TOP3A: variants seen among roughly 807,000 people sequenced by gnomAD.
TOP3A encodes the protein DNA topoisomerase III alpha, also known as DNA topoisomerase 3-alpha.
TOP3A carries 64 observed loss-of-function variants against 111.3 expected under a neutral mutation model. The ratio of observed to expected loss-of-function variants is 0.57; its 90% CI spans 0.47 to 0.71. TOP3A has a LOEUF of 0.71. Ranked by LOEUF, TOP3A falls within the 30% of genes least tolerant of loss-of-function variation. TOP3A has a pLI of 0.00. For missense variants in TOP3A, 1,104 were observed against 1,285.0 expected (o/e 0.86, Z 2.15); for synonymous variants, 484 against 485.1 (o/e 1.00, Z 0.03).
rs1567733890 is a variant in TOP3A at position 18,278,160 on chromosome 17, G to C, written c.2342C>G (p.Pro781Arg). The C allele has an allele frequency of 3.7e-6, 6 of 1,614,156 alleles. No individual in the cohort carries two copies. The highest frequency in any genetic ancestry group is 1.7e-5 in the Admixed American group (1 of 60,024). The change falls in exon 18 of 19, where the codon CCC (proline) becomes CGC (arginine). Residue 781 changes from proline (P) to arginine (R), a missense_variant. Coordinates refer to ENST00000321105, the MANE Select transcript of TOP3A (RefSeq NM_004618.5). Reference sequence around the variant, plus strand: ...AGTCTGTCTGCTGTCAGCAGGCTGGGGGTGCTGGCTGTTGTCCATCCTGTT... The same window carrying C: ...AGTCTGTCTGCTGTCAGCAGGCTGGCGGTGCTGGCTGTTGTCCATCCTGTT... The part of the protein sequence containing the change: ...SLNRMDNSQH[P>R]QPADSRQTGS...
Position 18,278,299 on chromosome 17 carries a change from A to G in TOP3A, c.2203T>C (p.Cys735Arg), listed in dbSNP as rs764252816. The change falls in exon 18 of 19, where the codon TGC becomes CGC. Residue 735 changes from cysteine to arginine, a missense_variant. Cys to Arg is a radical substitution (Grantham distance 180, BLOSUM62 -3). Transcript: ENST00000321105. Reference protein sequence around the residue: ...LPPTMPLEFVCCIGGCDDTLR... With the variant: ...LPPTMPLEFVRCIGGCDDTLR... ...GTGTCGTCGCATCCGCCGATGCAGC[A>G]AACAAACTCCAGAGGCATGGTCGGG... The G allele has an allele frequency of 2.6e-6, 4 of 1,524,074 alleles. No homozygotes were observed. The highest frequency in any genetic ancestry group is 3.5e-6 in the Non-Finnish European group (4 of 1,136,016). 94.4% of individuals were successfully genotyped at this position (1,524,074 alleles called of 1,614,324 possible).
At chr17:18,285,377 C>G (rs1179759889) in intron 14 of TOP3A, 30 bp downstream of exon 14, 12 of 1,613,506 alleles carry the variant, frequency 7.4e-6, no homozygotes, top group African/African-American at 1.3e-5. Context: ...ACACCACCCA[C>G]TACCCACTGC....
intron 6 of TOP3A, 67 bp downstream of exon 6, chr17:18,302,513 G>C (rs1981298172): frequency 3.1e-6 from 5 of 1,597,540 alleles, no homozygotes; most frequent in Non-Finnish European, 4.3e-6. Context: ...TATCGACACA[G>C]AGCCCATTTT....
intron 13 of TOP3A, among the ~76,000 whole-genome samples, chr17:18,285,886 A>G (rs1013956698): frequency 5.3e-5 from 8 of 152,208 alleles, no homozygotes; most frequent in Non-Finnish European, 1.0e-4. Context: ...TAGCTCTGCC[A>G]TGAAGGAAAT....
At chr17:18,301,766 C>A in intron 8 of TOP3A, 119 bp downstream of exon 8, 1 of 787,710 alleles carries the variant, frequency 1.3e-6, no homozygotes, top group Non-Finnish European at 2.0e-6. Context: ...AAAGTGATCC[C>A]CTGAGATGCA....
chr17:18,281,281 G>A (rs550391252), intron 16 of TOP3A, among the ~76,000 whole-genome samples: 5 of 152,084 alleles, frequency 3.3e-5, no homozygotes, highest in African/African-American at 9.6e-5. Flanking sequence ...AAAAAGCCCC[G>A]AACTCCAATC....
chr17:18,307,414 C>G (rs142274787), intron 3 of TOP3A: 2 of 153,238 alleles, frequency 1.3e-5, no homozygotes, highest in Non-Finnish European at 2.9e-5. Flanking sequence ...CTGGCTAACA[C>G]GGTGAAACCC....
At position 18,299,568 on chromosome 17, in the gene TOP3A, C is replaced by T. The variant is rs1981093685; in HGVS notation, c.981G>A (p.Leu327=). The stretch of plus-strand genomic sequence containing the variant: ...CCTGTCTGGAACATACCACAGTGTC[C>T]AAGGCTTGAGGCCGCCACTTGCTCT... ...KPKSKWRPQA[L]DTVELEKLAS... The change falls in exon 9 of 19, where the codon TTG becomes TTA. Residue 327 remains leucine, a synonymous_variant. Coordinates refer to ENST00000321105, the MANE Select transcript of TOP3A (RefSeq NM_004618.5). 6.2e-7 allele frequency: 1 copy of T among 1,613,904 alleles called. No individual in the cohort carries two copies. Among genetic ancestry groups the T allele is most frequent in the Admixed American group, 1.7e-5 (1 of 60,002 alleles).
At chr17:18,308,670 C>CA (rs1555572478) in intron 2 of TOP3A, 2 of 408,104 alleles carry the variant, frequency 4.9e-6, no homozygotes, top group Admixed American at 4.3e-5. Flanking sequence ...TGTATATTAG[C>CA]TTTTTTTTTT....
chr17:18,306,037 G>A (rs1981560001), intron 4 of TOP3A, among the ~76,000 whole-genome samples: 1 of 151,054 alleles, frequency 6.6e-6, no homozygotes, highest in Non-Finnish European at 1.5e-5. Flanking sequence ...CCCCATCTCT[G>A]TTAAAAATGC....
intron 17 of TOP3A, among the ~76,000 whole-genome samples, chr17:18,278,716 A>G (rs547696207): frequency 2.7e-3 from 404 of 152,326 alleles, no homozygotes; most frequent in African/African-American, 9.3e-3. Context: ...GTGGTGGCTC[A>G]AACCTGTAAT....
intron 13 of TOP3A, among the ~76,000 whole-genome samples, chr17:18,289,742 T>G (rs1980351188): frequency 6.6e-6 from 1 of 152,202 alleles, no homozygotes; most frequent in African/African-American, 2.4e-5. Flanking sequence ...TCTACTAATT[T>G]TACCTAAACC....
At chr17:18,313,325 TTAA>T (rs1982027078) in intron 1 of TOP3A, 1 of 153,188 alleles carries the variant, frequency 6.5e-6, no homozygotes. Context: ...GCCCAAAGAA[TTAA>T]TGTTTCTATT....
At chr17:18,314,057 C>A (rs1192687842) in intron 1 of TOP3A, among the ~76,000 whole-genome samples, 1 of 152,142 alleles carries the variant, frequency 6.6e-6, no homozygotes, top group East Asian at 1.9e-4. Context: ...AGGAACAGGG[C>A]TGACTTCAAA....
Position 18,314,714 on chromosome 17 carries a change from G to T in TOP3A, c.65C>A (p.Ser22Tyr), listed in dbSNP as rs1324223441. The T allele has an allele frequency of 6.2e-6, 10 of 1,603,968 alleles. No homozygotes were observed. The highest frequency in any genetic ancestry group is 8.5e-6 in the Non-Finnish European group (10 of 1,175,644). The change falls in exon 1 of 19, where the codon TCC becomes TAC. Residue 22 changes from serine to tyrosine, a missense_variant. Ser to Tyr is a moderately radical substitution (Grantham distance 144). Coordinates refer to ENST00000321105, the MANE Select transcript of TOP3A (RefSeq NM_004618.5). The part of the protein sequence containing the change: ...WLRRPEDRAF[S>Y]RAAMEMALRG... ...GAGGGCCATCTCCATGGCGGCGCGG[G>T]AAAAGGCACGGTCTTCGGGCCGTCG...
At chr17:18,276,569 T>A (rs1343400429) in intron 18 of TOP3A, among the ~76,000 whole-genome samples, 64 of 152,222 alleles carry the variant, frequency 4.2e-4, no homozygotes, top group South Asian at 4.1e-4. Context: ...AGGAACCCTA[T>A]GAATGTAGGC....
intron 13 of TOP3A, among the ~76,000 whole-genome samples, chr17:18,288,308 A>G (rs552669847): frequency 4.6e-5 from 7 of 151,576 alleles, no homozygotes; most frequent in African/African-American, 1.7e-4. Context: ...GTCAGCCATA[A>G]CACCTAGCAA....
rs1300564136 is a variant in TOP3A, at chr17:18,278,162, G to A, written c.2340C>T (p.His780=). The part of the protein sequence containing the change: ...QSLNRMDNSQ[H]PQPADSRQTG... ...TCTGTCTGCTGTCAGCAGGCTGGGG[G>A]TGCTGGCTGTTGTCCATCCTGTTCA... is the stretch of plus-strand genomic sequence containing the variant. The change falls in exon 18 of 19, where the codon CAC becomes CAT. Residue 780 remains histidine, a synonymous_variant. Transcript: ENST00000321105. The A allele has an allele frequency of 6.2e-7, 1 of 1,614,124 alleles. No individual in the cohort carries two copies.
rs767237973 is a variant in TOP3A at position 18,280,616 on chromosome 17, A to G, written c.2064T>C (p.Ala688=). 4.3e-6 allele frequency: 7 copies of G among 1,614,138 alleles called. No homozygotes were observed. The highest frequency in any genetic ancestry group is 5.1e-6 in the Non-Finnish European group (6 of 1,179,988). The change falls in exon 17 of 19, where the codon GCT becomes GCC. Residue 688 remains alanine (A), a synonymous_variant. Transcript: ENST00000321105. ...SCMGFPECRS[A]VWLPDSVLEA... ...CCAGCACCGAGTCAGGAAGCCACAC[A>G]GCTGAGCGACACTCTGGGAAACCCA...
Sources: gnomAD v4.1 joint callset for allele counts (sites outside exome capture counted in the v4.1 genomes callset) on GRCh38, gnomAD v4.1.1 for gene constraint, MANE v1.5 for transcripts, NCBI Gene and HGNC (gene_info 2026-07-23, HGNC 2026-07-21) for gene names.